The following DNM3 variants were observed in gnomAD, a reference collection of about 807,000 sequenced individuals.
DNM3 encodes the protein dynamin-3.
In DNM3, 47 loss-of-function variants were observed where a neutral mutation model predicts 101.6. That is an observed-to-expected ratio of 0.46 (90% CI 0.37 to 0.59). The LOEUF (loss-of-function observed/expected upper bound fraction) is 0.59, where lower values mean the gene tolerates loss of function less well. Ranked by LOEUF, DNM3 falls within the 20% of genes least tolerant of loss-of-function variation. DNM3 has a pLI of 0.00. For missense variants in DNM3, 849 were observed against 1,085.7 expected (o/e 0.78, Z 3.06); for synonymous variants, 385 against 387.9 (o/e 0.99, Z 0.09).
At chr1:171,970,647 G>A (rs947896868) in intron 2 of DNM3, among the ~76,000 whole-genome samples, 15 of 151,986 alleles carry the variant, frequency 9.9e-5, no homozygotes, top group Non-Finnish European at 2.1e-4. Flanking sequence ...TTATGTAAGC[G>A]CTGTATTCTA....
chr1:171,956,605 C>G (rs987091765), intron 2 of DNM3, among the ~76,000 whole-genome samples: 5 of 152,110 alleles, frequency 3.3e-5, no homozygotes, highest in African/African-American at 1.2e-4. Flanking sequence ...ATCTACCATT[C>G]TGGGGTCTGG....
At chr1:172,381,909 C>T (rs151081331) in intron 18 of DNM3, among the ~76,000 whole-genome samples, 17 of 152,172 alleles carry the variant, frequency 1.1e-4, no homozygotes, top group East Asian at 1.9e-4. Flanking sequence ...CTATCAAAAG[C>T]GGTGTTCTGG....
chr1:171,875,521 C>A (rs959685471), intron 1 of DNM3, among the ~76,000 whole-genome samples: 1 of 152,062 alleles, frequency 6.6e-6, no homozygotes, highest in East Asian at 1.9e-4. Flanking sequence ...AAGGAGTAAA[C>A]CAAATATTTA....
chr1:171,899,517 G>A (rs1176414616), intron 1 of DNM3, among the ~76,000 whole-genome samples: 1 of 152,202 alleles, frequency 6.6e-6, no homozygotes, highest in Admixed American at 6.5e-5. Context: ...CACGGGAGAG[G>A]TGGGAAATGA....
chr1:172,010,963 A>C (rs2047086497), intron 4 of DNM3, among the ~76,000 whole-genome samples: 1 of 151,398 alleles, frequency 6.6e-6, no homozygotes, highest in South Asian at 2.1e-4. Flanking sequence ...TCATGTATCT[A>C]GTGGTTTTTG....
intron 13 of DNM3, among the ~76,000 whole-genome samples, chr1:172,100,595 C>T (rs1362424065): frequency 1.8e-4 from 27 of 152,202 alleles, no homozygotes; most frequent in Admixed American, 1.8e-3. Flanking sequence ...TCACTCTTAA[C>T]TCCAAGTCTT....
intron 17 of DNM3, among the ~76,000 whole-genome samples, chr1:172,343,660 A>G (rs2066794095): frequency 6.6e-6 from 1 of 152,164 alleles, no homozygotes; most frequent in Non-Finnish European, 1.5e-5. Context: ...CCTATAACAA[A>G]AAGCAGATTT....
At chr1:171,995,652 G>C (rs1231973011) in intron 4 of DNM3, among the ~76,000 whole-genome samples, 2 of 152,068 alleles carry the variant, frequency 1.3e-5, no homozygotes, top group African/African-American at 4.8e-5. Context: ...AGTTGGGATG[G>C]TGAGGGCAAT....
chr1:171,966,975 C>A (rs564863885), intron 2 of DNM3, among the ~76,000 whole-genome samples: 43 of 152,240 alleles, frequency 2.8e-4, no homozygotes, highest in African/African-American at 9.6e-4. Flanking sequence ...TCGAATAGCT[C>A]CTATTGTTAT....
intron 14 of DNM3, among the ~76,000 whole-genome samples, chr1:172,219,946 T>A (rs1375026056): frequency 6.6e-6 from 1 of 152,174 alleles, no homozygotes; most frequent in Non-Finnish European, 1.5e-5. Context: ...GGGAATTTTT[T>A]AAAAGAAATT....
chr1:172,386,016 G>A (rs546738843), intron 18 of DNM3, among the ~76,000 whole-genome samples: 33 of 152,208 alleles, frequency 2.2e-4, no homozygotes, highest in Non-Finnish European at 4.6e-4. Flanking sequence ...TGAATGCTGT[G>A]TGACCTAGCA....
chr1:172,049,596 T>C (rs1248797136), intron 10 of DNM3, among the ~76,000 whole-genome samples: 1 of 152,132 alleles, frequency 6.6e-6, no homozygotes, highest in African/African-American at 2.4e-5. Context: ...ATATCTTGTA[T>C]TGAAAAACAC....
chr1:171,855,161 A>G (rs1046927834), intron 1 of DNM3, among the ~76,000 whole-genome samples: 1 of 152,154 alleles, frequency 6.6e-6, no homozygotes, highest in South Asian at 2.1e-4. Flanking sequence ...TTAGTTTGCT[A>G]AACTTAATGG....
At position 172,032,345 on chromosome 1, in the gene DNM3, T is replaced by C. The variant is rs1285550141; in HGVS notation, c.590-57T>C. 2.8e-5 allele frequency: 34 copies of C among 1,225,420 alleles called. No homozygotes were observed. The Admixed American group carries it at 4.8e-4, about 17-fold the overall frequency. The allele number at this position is 1,225,420 out of a possible 1,614,324, so 75.9% of individuals were successfully genotyped here. ...TACATTTAGCATTGTGACATATATG[T>C]CTAAAATTTGTTAGTCTTCTGCAAA... On this transcript the variant is annotated intron_variant, in intron 4 of 20. Transcript: ENST00000627582.
chr1:172,367,214 G>GA (rs375481693), intron 17 of DNM3, among the ~76,000 whole-genome samples: 4,882 of 146,022 alleles, frequency 0.033, 98 homozygotes, highest in Middle Eastern at 0.096. Context: ...AGCACTGAAA[G>GA]AAAAAAAAAA....
intron 14 of DNM3, among the ~76,000 whole-genome samples, chr1:172,225,667 C>T (rs2061089350): frequency 6.6e-6 from 1 of 151,794 alleles, no homozygotes; most frequent in Admixed American, 6.6e-5. Flanking sequence ...ACCATGGTAA[C>T]ATCTTGAGCC....
rs149119927 is a variant in DNM3, at chr1:172,208,065, AT to A, written c.1660-45502del. The stretch of plus-strand genomic sequence containing the variant: ...TCCTTGCTTGTCCAAAGAGTTTACT[AT>A]TTTTTGAATGAGACAGAACAAGCAC... On this transcript the variant is annotated intron_variant, in intron 14 of 20. Coordinates refer to ENST00000627582, the MANE Select transcript of DNM3 (RefSeq NM_015569.5). Among the ~76,000 whole-genome samples, 321 of 152,166 alleles carry A rather than the reference AT, an allele frequency of 2.1e-3. 1 individual carries two copies. The highest frequency in any genetic ancestry group is 7.2e-3 in the African/African-American group (301 of 41,546).
intron 13 of DNM3, among the ~76,000 whole-genome samples, chr1:172,123,244 G>T (rs1015837559): frequency 6.6e-6 from 1 of 152,124 alleles, no homozygotes; most frequent in Non-Finnish European, 1.5e-5. Flanking sequence ...ATTATTTTGT[G>T]TCTCAATTTC....
chr1:171,931,446 G>A (rs143856573), intron 2 of DNM3, among the ~76,000 whole-genome samples: 41 of 152,154 alleles, frequency 2.7e-4, no homozygotes, highest in Non-Finnish European at 5.3e-4. Flanking sequence ...CAAAGTTTCT[G>A]TACTTCTGGT....
Sources: gnomAD v4.1 joint callset for allele counts (sites outside exome capture counted in the v4.1 genomes callset) on GRCh38, gnomAD v4.1.1 for gene constraint, MANE v1.5 for transcripts, NCBI Gene and HGNC (gene_info 2026-07-23, HGNC 2026-07-21) for gene names.